Variants in RRM2B observed in about 807,000 individuals in gnomAD.
RRM2B encodes the protein ribonucleoside-diphosphate reductase subunit M2 B.
Under a neutral mutation model 45.9 loss-of-function variants are expected in RRM2B, and 20 were observed. The observed-to-expected ratio is 0.44, with a 90% CI of 0.31 to 0.63. The LOEUF is 0.63. Among genes scored for constraint, RRM2B ranks in the 30% least tolerant of loss-of-function variants. RRM2B has a pLI of 0.09. For synonymous variants in RRM2B, 124 were observed against 132.3 expected (o/e 0.94, Z 0.43); for missense variants, 320 against 414.7 (o/e 0.77, Z 1.98).
At chr8:102,215,781 C>T (rs866760418) in intron 6 of RRM2B, among the ~76,000 whole-genome samples, 39 of 151,696 alleles carry the variant, frequency 2.6e-4, no homozygotes, top group Admixed American at 2.0e-4. Flanking sequence ...CCTGCGTCTA[C>T]AAAACTTTTT....
chr8:102,230,674 A>G (rs1415400017), intron 2 of RRM2B, among the ~76,000 whole-genome samples: 2 of 152,350 alleles, frequency 1.3e-5, no homozygotes, highest in South Asian at 2.1e-4. Context: ...TAACACTACA[A>G]TATAACAAAG....
intron 7 of RRM2B, among the ~76,000 whole-genome samples, chr8:102,213,462 T>C (rs950909454): frequency 1.2e-4 from 18 of 152,332 alleles, no homozygotes; most frequent in African/African-American, 3.8e-4. Flanking sequence ...AAAGTACCTG[T>C]TATGCCTTTT....
Position 102,228,359 on chromosome 8 carries a change from G to A in RRM2B, c.205-2325C>T, listed in dbSNP as rs1294634589. ...TTCCCACTGAGAGCCACTTTCATTG[G>A]CAACAAAATCCTCTGTATTCACCAC... is the stretch of plus-strand genomic sequence containing the variant. On this transcript the variant is annotated intron_variant, in intron 2 of 8. Coordinates refer to ENST00000251810, the MANE Select transcript of RRM2B (RefSeq NM_015713.5). Among the ~76,000 whole-genome samples the A allele has an allele frequency of 2.0e-5, 3 of 152,062 alleles. No homozygotes were observed. The East Asian group carries it at 5.8e-4, about 29-fold the overall frequency.
chr8:102,238,734 G>C, intron 1 of RRM2B, 93 bp downstream of exon 1: 1 of 1,600,388 alleles, frequency 6.2e-7, no homozygotes, highest in Non-Finnish European at 8.5e-7. Flanking sequence ...TCCTGACCGC[G>C]GCGAATAACA....
rs11540327 is a variant in RRM2B at position 102,206,962 on chromosome 8, A to T, written c.*1171T>A. On this transcript the variant is annotated 3_prime_UTR_variant, in exon 9 of 9. Coordinates refer to ENST00000251810, the MANE Select transcript of RRM2B (RefSeq NM_015713.5). ...GCTGGTACACTATTCAGGCTGGTAT[A>T]AATTTGAAATGATTCAATAATCCCT... The T allele has an allele frequency of 1.3e-5, 2 of 152,206 alleles. No individual in the cohort carries two copies. Among genetic ancestry groups the T allele is most frequent in the Non-Finnish European group, 2.9e-5 (2 of 68,030 alleles). 9.4% of individuals were successfully genotyped at this position (152,206 alleles called of 1,614,324 possible). A position where few individuals can be genotyped will look rare whatever the true frequency, so the allele number is the denominator to read the frequency against.
chr8:102,238,579 C>A (rs1487596093), intron 1 of RRM2B: 1 of 1,524,974 alleles, frequency 6.6e-7, no homozygotes, highest in South Asian at 1.2e-5. Context: ...GGCCTCCAAG[C>A]GTCGTCCTTG....
chr8:102,211,252 T>G (rs2132542308), intron 8 of RRM2B, among the ~76,000 whole-genome samples: 2 of 152,342 alleles, frequency 1.3e-5, no homozygotes, highest in Admixed American at 1.3e-4. Flanking sequence ...CACCTCAGCC[T>G]CCCAGAGTTC....
At chr8:102,214,810 CAATA>C (rs1380166793) in intron 6 of RRM2B, among the ~76,000 whole-genome samples, 1 of 144,608 alleles carries the variant, frequency 6.9e-6, no homozygotes, top group African/African-American at 2.5e-5. Flanking sequence ...TAAAAAATAC[CAATA>C]AATAAATAAG....
At chr8:102,230,572 G>A (rs1418124358) in intron 2 of RRM2B, among the ~76,000 whole-genome samples, 1 of 152,214 alleles carries the variant, frequency 6.6e-6, no homozygotes, top group Non-Finnish European at 1.5e-5. Context: ...CAAGCATTAT[G>A]ACCACGTATG....
At chr8:102,219,249 A>G (rs1810786869) in intron 5 of RRM2B, among the ~76,000 whole-genome samples, 1 of 152,206 alleles carries the variant, frequency 6.6e-6, no homozygotes, top group African/African-American at 2.4e-5. Flanking sequence ...ACACATGACT[A>G]TGAGTGCAGG....
chr8:102,238,472 C>T (rs1811162702), intron 1 of RRM2B: 1 of 1,225,730 alleles, frequency 8.2e-7, no homozygotes. Flanking sequence ...GTCCTCTTTC[C>T]TTGCCTCGGT....
intron 8 of RRM2B, among the ~76,000 whole-genome samples, chr8:102,209,433 A>C (rs1810599001): frequency 1.3e-5 from 2 of 152,172 alleles, no homozygotes; most frequent in African/African-American, 4.8e-5. Context: ...GATCACAATG[A>C]GATACCACTT....
intron 8 of RRM2B, 105 bp from the exon 9 acceptor site, chr8:102,208,390 T>A: frequency 1.2e-6 from 1 of 832,740 alleles, no homozygotes; most frequent in Non-Finnish European, 2.0e-6. Context: ...AAAACCTATC[T>A]AGTCAGCTAC....
At chr8:102,220,787 A>C (rs1810821643) in intron 5 of RRM2B, among the ~76,000 whole-genome samples, 2 of 152,268 alleles carry the variant, frequency 1.3e-5, no homozygotes, top group Admixed American at 1.3e-4. Context: ...CTAAAGAATG[A>C]AAATCATAAC....
At chr8:102,219,648 T>C (rs577019354) in intron 5 of RRM2B, among the ~76,000 whole-genome samples, 75 of 152,380 alleles carry the variant, frequency 4.9e-4, no homozygotes, top group African/African-American at 1.6e-3. Flanking sequence ...TGTAACATTA[T>C]GCAGGATGAT....
intron 2 of RRM2B, among the ~76,000 whole-genome samples, chr8:102,228,090 C>G (rs577368424): frequency 6.6e-6 from 1 of 152,296 alleles, no homozygotes; most frequent in East Asian, 1.9e-4. Flanking sequence ...CTTTCCAAAA[C>G]CACCCATGGC....
intron 8 of RRM2B, among the ~76,000 whole-genome samples, chr8:102,208,948 G>C (rs1163521251): frequency 6.6e-6 from 1 of 152,162 alleles, no homozygotes; most frequent in Non-Finnish European, 1.5e-5. Context: ...TCAGGAGTTT[G>C]AGACCAGCCT....
intron 5 of RRM2B, among the ~76,000 whole-genome samples, chr8:102,219,360 GTTGC>G (rs1315225184): frequency 2.6e-5 from 4 of 152,242 alleles, no homozygotes; most frequent in East Asian, 3.9e-4. Flanking sequence ...AGGAGGAGAG[GTTGC>G]TTAAGTTTAT....
chr8:102,211,726 G>C (rs1345168942), intron 8 of RRM2B, among the ~76,000 whole-genome samples: 1 of 152,166 alleles, frequency 6.6e-6, no homozygotes, highest in Admixed American at 6.5e-5. Flanking sequence ...AAGTTTAAGA[G>C]ATTATATTAA....
Sources: gnomAD v4.1 joint callset for allele counts (sites outside exome capture counted in the v4.1 genomes callset) on GRCh38, gnomAD v4.1.1 for gene constraint, MANE v1.5 for transcripts, NCBI Gene and HGNC (gene_info 2026-07-23, HGNC 2026-07-21) for gene names.